Variants in PLIN3 observed in about 807,000 individuals in gnomAD.
PLIN3 encodes perilipin-3.
A neutral mutation model predicts 35.9 loss-of-function variants in PLIN3; 30 were observed. The observed-to-expected ratio is 0.84, with a 90% CI of 0.62 to 1.13. The LOEUF (loss-of-function observed/expected upper bound fraction) is 1.13. PLIN3 is among the 50% of genes most tolerant of loss of function. The pLI is 0.00. For synonymous variants in PLIN3, 261 were observed against 262.5 expected, an observed-to-expected ratio of 0.99 and a Z score of 0.06; for missense variants, 603 against 596.9, an observed-to-expected ratio of 1.01 and a Z score of -0.11.
chr19:4,847,211 A>G (rs1276036051), intron 6 of PLIN3, among the ~76,000 whole-genome samples: 2 of 140,474 alleles, frequency 1.4e-5, no homozygotes, highest in Admixed American at 1.4e-4. Flanking sequence ...TTTTTTTGAG[A>G]TGGGGTCTTG....
In PLIN3 at chr19:4,839,462, C is replaced by G. The variant is rs58096124; in HGVS notation, c.1035G>C (p.Gly345=). ...QQLQATCTSL[G]SSIQGLPTNV... ...TGGTGGGGAGGCCCTGAATGCTGGA[C>G]CCCAGGGAGGTACAGGTGGCCTGCA... The change falls in exon 8 of 8, where the codon GGG becomes GGC. Residue 345 remains glycine, a synonymous_variant. Coordinates refer to ENST00000221957, the MANE Select transcript of PLIN3 (RefSeq NM_005817.5). 1.9e-6 allele frequency: 3 copies of G among 1,576,704 alleles called. No homozygotes were observed. In the African/African-American group the frequency reaches 4.0e-5, roughly 21 times the overall value.
chr19:4,855,940 A>AAG (rs10650668), intron 4 of PLIN3, among the ~76,000 whole-genome samples: 11,053 of 148,166 alleles, frequency 0.075, 1,134 homozygotes, highest in African/African-American at 0.23. Flanking sequence ...AAAAAAAAAA[A>AAG]TGCAAGTTGA....
chr19:4,846,888 A>AT (rs912854737), intron 6 of PLIN3, among the ~76,000 whole-genome samples: 29,967 of 138,198 alleles, frequency 0.22, 3,605 homozygotes, highest in South Asian at 0.35. Context: ...GACAGTACGA[A>AT]TTTTTTTTTT....
intron 6 of PLIN3, among the ~76,000 whole-genome samples, chr19:4,846,616 T>C (rs1439931016): frequency 6.6e-6 from 1 of 151,614 alleles, no homozygotes; most frequent in Non-Finnish European, 1.5e-5. Flanking sequence ...CAAGAATCAC[T>C]TGAACCCGGG....
At position 4,852,209 on chromosome 19, in the gene PLIN3, C is replaced by T; in HGVS notation, c.441G>A (p.Leu147=). The part of the protein sequence containing the change: ...SSAKDTVATQ[L]SEAVDATRGA... ...CGCGGGTCGCGTCCACCGCCTCCGA[C>T]AATTGGGTGGCCACCGTGTCCTTGG... The change falls in exon 5 of 8, where the codon TTG becomes TTA. Residue 147 remains leucine, a synonymous_variant. Coordinates refer to ENST00000221957, the MANE Select transcript of PLIN3 (RefSeq NM_005817.5). 6.2e-7 allele frequency: 1 copy of T among 1,612,404 alleles called. No individual in the cohort carries two copies.
intron 7 of PLIN3, among the ~76,000 whole-genome samples, chr19:4,843,495 G>A (rs947750312): frequency 2.9e-4 from 29 of 100,982 alleles, no homozygotes; most frequent in Admixed American, 2.5e-3. Context: ...GTGACAGAGC[G>A]AGACTCCATC....
intron 5 of PLIN3, among the ~76,000 whole-genome samples, chr19:4,851,209 G>C (rs964225675): frequency 1.8e-4 from 28 of 152,090 alleles, no homozygotes; most frequent in African/African-American, 6.8e-4. Flanking sequence ...GCTCACACCT[G>C]TAATCCCAGT....
intron 7 of PLIN3, among the ~76,000 whole-genome samples, chr19:4,841,447 G>A (rs780293482): frequency 1.1e-4 from 17 of 152,166 alleles, no homozygotes; most frequent in Non-Finnish European, 2.9e-5. Flanking sequence ...TGGTTGGGAG[G>A]AGGAGGAAAT....
At chr19:4,862,014 C>T (rs1041052431) in intron 1 of PLIN3, among the ~76,000 whole-genome samples, 1 of 151,884 alleles carries the variant, frequency 6.6e-6, no homozygotes, top group African/African-American at 2.4e-5. Flanking sequence ...TCACAGCTCA[C>T]TGCAGCCTCT....
intron 4 of PLIN3, among the ~76,000 whole-genome samples, chr19:4,856,984 C>T (rs983903883): frequency 2.6e-5 from 4 of 151,972 alleles, no homozygotes; most frequent in African/African-American, 9.7e-5. Flanking sequence ...GGGAGTAAGG[C>T]GTGAGCCACC....
rs147802894 is a variant in PLIN3 at position 4,853,759 on chromosome 19, G to A, written c.349-1458C>T. Among the ~76,000 whole-genome samples, 1,026 of 151,852 alleles carry A rather than the reference G, an allele frequency of 6.8e-3. 13 individuals carry two copies. The highest frequency in any genetic ancestry group is 0.034 in the South Asian group (163 of 4,802). ...ACCCGGGAGGTGGAGTTTGCAGTGA[G>A]CCGAGACTGCACCACTGCACTCCAC... On this transcript the variant is annotated intron_variant, in intron 4 of 7. Coordinates refer to ENST00000221957, the MANE Select transcript of PLIN3 (RefSeq NM_005817.5).
chr19:4,840,748 C>T (rs962471050), intron 7 of PLIN3, among the ~76,000 whole-genome samples: 3 of 152,158 alleles, frequency 2.0e-5, no homozygotes, highest in African/African-American at 7.2e-5. Context: ...GTCAGGAGTT[C>T]AGCCTGACCA....
At chr19:4,847,147 C>G (rs1425591579) in intron 6 of PLIN3, among the ~76,000 whole-genome samples, 1 of 151,590 alleles carries the variant, frequency 6.6e-6, no homozygotes, top group Non-Finnish European at 1.5e-5. Context: ...CTCAGCCTCC[C>G]AAAGTGCTGG....
chr19:4,843,376 C>T (rs1053367089), intron 7 of PLIN3, among the ~76,000 whole-genome samples: 38 of 151,840 alleles, frequency 2.5e-4, no homozygotes, highest in Middle Eastern at 3.4e-3. Context: ...GGCCTGGTGG[C>T]GGGCGCCTGT....
chr19:4,847,871 CAGGG>C lies in PLIN3; in HGVS notation c.650_653del (p.Ser217TrpfsTer59). On this transcript the variant is annotated frameshift_variant, in exon 6 of 8. Transcript: ENST00000221957. LOFTEE classifies it high-confidence loss of function. ...GCACGGACGCGACGTCAAAGCCATC[CAGGG>C]ATGTGGCGATGCGGGCTGCAAGGAA... The C allele has an allele frequency of 6.2e-7, 1 of 1,613,706 alleles. No individual in the cohort carries two copies. The highest frequency in any genetic ancestry group is 2.2e-5 in the East Asian group (1 of 44,874).
chr19:4,864,098 AGTGTGTGTGTGTGTGTGTGT>A lies in PLIN3; in HGVS notation c.-17-2707_-17-2688del, dbSNP rs71170861. On this transcript the variant is annotated intron_variant, in intron 1 of 7. Transcript: ENST00000221957. ...CAGGCACGCACCACCACACCTGGCT[AGTGTGTGTGTGTGTGTGTGT>A]GTGTGTGTGTGTGTGTGTGTGTGTG... 6.4e-3 allele frequency among the ~76,000 whole-genome samples: 802 copies of A among 125,346 alleles called. 5 individuals are homozygous for A. Among genetic ancestry groups the A allele is most frequent in the Middle Eastern group, 0.016 (4 of 248 alleles). The allele number at this position is 125,346 out of a possible 152,430, so 82.2% of individuals were successfully genotyped here. A position where few individuals can be genotyped will look rare whatever the true frequency, so the allele number is the denominator to read the frequency against.
At chr19:4,861,495 C>T (rs2030675635) in intron 1 of PLIN3, 84 bp from the exon 2 acceptor site, 2 of 908,998 alleles carry the variant, frequency 2.2e-6, no homozygotes, top group South Asian at 1.4e-5. Flanking sequence ...AGCTGGAAGA[C>T]AGGGTTCACA....
chr19:4,853,774 C>G (rs1462233454), intron 4 of PLIN3, among the ~76,000 whole-genome samples: 1 of 151,828 alleles, frequency 6.6e-6, no homozygotes, highest in Non-Finnish European at 1.5e-5. Context: ...GACTGCACCA[C>G]TGCACTCCAC....
rs769468220 is a variant in PLIN3 at position 4,852,166 on chromosome 19, C to A, written c.484G>T (p.Val162Leu). The A allele has an allele frequency of 6.2e-7, 1 of 1,613,982 alleles. No homozygotes were observed. The highest frequency in any genetic ancestry group is 2.2e-5 in the East Asian group (1 of 44,882). ...GTCACTACGGACTTTGTCTTGTCCA[C>A]GCCGCTCTGCACAGCACCGCGGGTC... ...DATRGAVQSG[V>L]DKTKSVVTGG... Residue 162 changes from valine to leucine, a missense_variant, in exon 5 of 8, where the codon GTG becomes TTG. By Grantham distance (32) the Val-to-Leu change is conservative (BLOSUM62 1). Transcript: ENST00000221957.
Sources: gnomAD v4.1 joint callset for allele counts (sites outside exome capture counted in the v4.1 genomes callset) on GRCh38, gnomAD v4.1.1 for gene constraint, MANE v1.5 for transcripts, NCBI Gene and HGNC (gene_info 2026-07-23, HGNC 2026-07-21) for gene names.